Variants in PRRG1 observed in about 807,000 individuals in gnomAD.
PRRG1 encodes transmembrane gamma-carboxyglutamic acid protein 1.
PRRG1 carries 5 observed loss-of-function variants against 11.8 expected under a neutral mutation model. The ratio of observed to expected loss-of-function variants is 0.42; its 90% CI spans 0.22 to 0.89. The LOEUF (loss-of-function observed/expected upper bound fraction) is 0.89, where lower values mean the gene tolerates loss of function less well. Among genes scored for constraint, PRRG1 ranks in the 40% least tolerant of loss-of-function variants. The pLI is 0.28. For missense variants in PRRG1, 155 were observed against 166.1 expected, an observed-to-expected ratio of 0.93 and a Z score of 0.37; for synonymous variants, 66 against 60.4, an observed-to-expected ratio of 1.09 and a Z score of -0.43.
At chrX:37,360,997 C>A (rs1355168539) in intron 1 of PRRG1, among the ~76,000 whole-genome samples, 1 of 112,373 alleles carries the variant, frequency 8.9e-6, no homozygotes, top group Non-Finnish European at 1.9e-5. Context: ...TGTCATTGGG[C>A]ATAATGAAAT....
At chrX:37,447,195 A>G (rs1238444514) in intron 3 of PRRG1, among the ~76,000 whole-genome samples, 1 of 112,346 alleles carries the variant, frequency 8.9e-6, no homozygotes, top group Non-Finnish European at 1.9e-5. Context: ...TTTATTTACA[A>G]TAATGGTGTG....
At chrX:37,385,241 A>G (rs1931287523) in intron 1 of PRRG1, among the ~76,000 whole-genome samples, 1 of 111,758 alleles carries the variant, frequency 8.9e-6, no homozygotes, top group Non-Finnish European at 1.9e-5. Context: ...AAATGAGTAC[A>G]TACTATGATT....
intron 3 of PRRG1, among the ~76,000 whole-genome samples, chrX:37,447,210 C>T (rs1933094571): frequency 9.0e-6 from 1 of 111,668 alleles, no homozygotes; most frequent in Non-Finnish European, 1.9e-5. Context: ...GGTGTGCTTG[C>T]CTTGTTCATA....
At position 37,406,163 on chromosome X, in the gene PRRG1, C is replaced by T. The variant is rs188207613; in HGVS notation, c.-41-46C>T. 188 of 1,152,562 alleles carry T rather than the reference C, an allele frequency of 1.6e-4. No individual in the cohort carries two copies. The African/African-American group carries it at 2.4e-3, about 15-fold the overall frequency. The allele number at this position is 1,152,562 out of a possible 1,213,427, so 95.0% of individuals were successfully genotyped here. Reference sequence around the variant, plus strand: ...CTGGAGCTTATCTGATGTAGCCACTCAGCCTCTATCAATCTGACTGTGTGT... The same window carrying T: ...CTGGAGCTTATCTGATGTAGCCACTTAGCCTCTATCAATCTGACTGTGTGT... On this transcript the variant is annotated intron_variant, in intron 1 of 3. Transcript: ENST00000378628.
chrX:37,422,280 G>C (rs1311877505), intron 2 of PRRG1, among the ~76,000 whole-genome samples: 2 of 111,265 alleles, frequency 1.8e-5, no homozygotes, highest in Non-Finnish European at 3.8e-5. Flanking sequence ...CGAAACCCAG[G>C]GATATCTTAG....
intron 1 of PRRG1, among the ~76,000 whole-genome samples, chrX:37,386,237 C>A (rs1931323333): frequency 8.9e-6 from 1 of 111,877 alleles, no homozygotes; most frequent in Non-Finnish European, 1.9e-5. Flanking sequence ...ATAATTTTTT[C>A]TCTACTCAAT....
intron 1 of PRRG1, among the ~76,000 whole-genome samples, chrX:37,397,135 C>A (rs1450704587): frequency 8.9e-6 from 1 of 112,003 alleles, no homozygotes; most frequent in Non-Finnish European, 1.9e-5. Flanking sequence ...CTAGGTATGA[C>A]CTGGAAAAAT....
intron 1 of PRRG1, among the ~76,000 whole-genome samples, chrX:37,393,367 T>G (rs1480197752): frequency 1.5e-4 from 16 of 109,786 alleles, no homozygotes; most frequent in African/African-American, 4.9e-4. Context: ...TTTACATATA[T>G]CTATACCTCA....
At chrX:37,388,963 A>G in intron 1 of PRRG1, among the ~76,000 whole-genome samples, 1 of 112,435 alleles carries the variant, frequency 8.9e-6, no homozygotes, top group East Asian at 2.8e-4. Flanking sequence ...AAAAGCAGCC[A>G]GGCCACATCT....
intron 2 of PRRG1, among the ~76,000 whole-genome samples, chrX:37,420,714 A>G (rs1368239222): frequency 1.9e-5 from 2 of 107,133 alleles, no homozygotes; most frequent in African/African-American, 6.8e-5. Flanking sequence ...GAAAAAAGAG[A>G]AGTCAAGTGT....
chrX:37,350,841 G>C (rs1556364676), intron 1 of PRRG1, among the ~76,000 whole-genome samples: 1 of 110,864 alleles, frequency 9.0e-6, no homozygotes, highest in African/African-American at 3.3e-5. Flanking sequence ...CAGGCATGAG[G>C]TGAACAGGAT....
intron 1 of PRRG1, among the ~76,000 whole-genome samples, chrX:37,357,974 T>G (rs1436250475): frequency 8.9e-6 from 1 of 112,355 alleles, no homozygotes; most frequent in Non-Finnish European, 1.9e-5. Flanking sequence ...CACTGTTGTT[T>G]TAACTTGCAA....
At chrX:37,417,354 C>T (rs1190470023) in intron 2 of PRRG1, among the ~76,000 whole-genome samples, 1 of 111,276 alleles carries the variant, frequency 9.0e-6, no homozygotes, top group Admixed American at 9.6e-5. Context: ...TAATGGGTTT[C>T]AGTTCCCTCA....
chrX:37,352,382 CAA>C (rs1556365055), intron 1 of PRRG1, among the ~76,000 whole-genome samples: 1 of 111,867 alleles, frequency 8.9e-6, no homozygotes. Flanking sequence ...TAAAACACTT[CAA>C]GTTAGTCTCT....
intron 1 of PRRG1, among the ~76,000 whole-genome samples, chrX:37,383,261 TTTG>T (rs1385582330): frequency 2.7e-5 from 3 of 112,153 alleles, no homozygotes; most frequent in Non-Finnish European, 5.7e-5. Context: ...AATTTAATTT[TTTG>T]TTGAGACAAA....
intron 3 of PRRG1, chrX:37,441,817 G>A (rs1932986171): frequency 5.1e-6 from 4 of 784,907 alleles, no homozygotes; most frequent in Non-Finnish European, 6.1e-6. Flanking sequence ...GAGCAGGCTC[G>A]AGGCCATGGA....
At chrX:37,367,025 T>G (rs782523249) in intron 1 of PRRG1, among the ~76,000 whole-genome samples, 27 of 111,632 alleles carry the variant, frequency 2.4e-4, no homozygotes, top group South Asian at 7.6e-4. Flanking sequence ...TTTGAATATG[T>G]GGTTGCCTCC....
intron 1 of PRRG1, among the ~76,000 whole-genome samples, chrX:37,384,140 G>T (rs2146545452): frequency 9.0e-6 from 1 of 111,144 alleles, no homozygotes; most frequent in South Asian, 3.8e-4. Flanking sequence ...TTTGAGAAGG[G>T]TGATATAATG....
intron 3 of PRRG1, among the ~76,000 whole-genome samples, chrX:37,433,353 C>T (rs1430762461): frequency 1.8e-5 from 2 of 111,623 alleles, no homozygotes; most frequent in South Asian, 3.8e-4. Context: ...CTTTCTTGTG[C>T]GTCCTCACAT....
Sources: allele counts gnomAD v4.1 joint callset (sites outside exome capture counted in the v4.1 genomes callset), GRCh38; gene constraint gnomAD v4.1.1; transcripts MANE v1.5; gene names NCBI Gene and HGNC (gene_info 2026-07-23, HGNC 2026-07-21).